Variants in CHRNA5 observed in about 807,000 individuals in gnomAD.
CHRNA5 encodes the protein cholinergic receptor nicotinic alpha 5 subunit.
CHRNA5 carries 28 observed loss-of-function variants against 41.2 expected under a neutral mutation model. The observed-to-expected ratio is 0.68, with a 90% CI of 0.50 to 0.93. The LOEUF (loss-of-function observed/expected upper bound fraction) is 0.93, where lower values mean the gene tolerates loss of function less well. CHRNA5 is among the 40% of genes least tolerant of loss of function. The pLI, the probability that CHRNA5 is intolerant of heterozygous loss-of-function variation, is 0.00. For missense variants in CHRNA5, 481 were observed against 581.9 expected, an observed-to-expected ratio of 0.83 and a Z score of 1.78; for synonymous variants, 188 against 205.8, an observed-to-expected ratio of 0.91 and a Z score of 0.74.
At chr15:78,579,698 A>G (rs979254323) in intron 1 of CHRNA5, among the ~76,000 whole-genome samples, 1 of 152,042 alleles carries the variant, frequency 6.6e-6, no homozygotes, top group African/African-American at 2.4e-5. Context: ...CTTCCCATAG[A>G]TGGCTTTTGT....
chr15:78,580,884 A>G, exon 2 of CHRNA5: 1 of 1,613,578 alleles, frequency 6.2e-7, no homozygotes, highest in Non-Finnish European at 8.5e-7. Context: ...ACTACGAAAG[A>G]TGGGTTCGTC....
At chr15:78,572,505 C>G (rs781001772) in intron 1 of CHRNA5, among the ~76,000 whole-genome samples, 1 of 151,798 alleles carries the variant, frequency 6.6e-6, no homozygotes, top group African/African-American at 2.4e-5. Context: ...TTTTTTGAGA[C>G]GGAGTTTTGC....
chr15:78,581,788 T>A (rs912001983), intron 2 of CHRNA5, among the ~76,000 whole-genome samples: 4 of 152,218 alleles, frequency 2.6e-5, no homozygotes, highest in African/African-American at 4.8e-5. Context: ...TTTGTGTATA[T>A]GTTACAAAAT....
At chr15:78,569,093 A>C (rs1435615925) in intron 1 of CHRNA5, among the ~76,000 whole-genome samples, 1 of 152,210 alleles carries the variant, frequency 6.6e-6, no homozygotes, top group East Asian at 1.9e-4. Context: ...AATTATTTTG[A>C]TTTCCAAGAA....
exon 6 of CHRNA5, chr15:78,593,314 A>G: frequency 6.9e-7 from 1 of 1,440,766 alleles, no homozygotes; most frequent in Non-Finnish European, 9.2e-7. Context: ...TGGCACCTAT[A>G]AAATTATGAA....
At chr15:78,589,782 T>C (rs1194860261) in intron 4 of CHRNA5, 23 bp from the exon 5 acceptor site, 4 of 1,497,050 alleles carry the variant, frequency 2.7e-6, no homozygotes, top group Non-Finnish European at 3.6e-6. Context: ...TCTGCATTGT[T>C]ATTTTATATG....
chr15:78,569,312 A>G (rs1481305490), intron 1 of CHRNA5, among the ~76,000 whole-genome samples: 1 of 152,178 alleles, frequency 6.6e-6, no homozygotes, highest in Non-Finnish European at 1.5e-5. Flanking sequence ...TAATTTCAGT[A>G]CAGAACTTTT....
intron 1 of CHRNA5, among the ~76,000 whole-genome samples, chr15:78,568,565 A>T (rs1050160090): frequency 6.6e-6 from 1 of 152,022 alleles, no homozygotes; most frequent in Non-Finnish European, 1.5e-5. Context: ...TGCTACACCT[A>T]TCAACCTGTC....
intron 5 of CHRNA5, 193 bp downstream of exon 5, chr15:78,590,829 G>C (rs1729901398): frequency 1.8e-6 from 1 of 562,636 alleles, no homozygotes; most frequent in Middle Eastern, 4.7e-4. Context: ...CTGCAAAATG[G>C]GGCATTTACA....
At chr15:78,585,036 C>T (rs2052946206) in intron 2 of CHRNA5, among the ~76,000 whole-genome samples, 1 of 152,170 alleles carries the variant, frequency 6.6e-6, no homozygotes, top group Non-Finnish European at 1.5e-5. Flanking sequence ...TCTCCCACCT[C>T]AGCCTCCTGA....
intron 2 of CHRNA5, among the ~76,000 whole-genome samples, chr15:78,582,127 CTG>C (rs967347091): frequency 6.6e-6 from 1 of 152,022 alleles, no homozygotes; most frequent in African/African-American, 2.4e-5. Flanking sequence ...TATATGTGGA[CTG>C]TGTGTGCTCA....
intron 1 of CHRNA5, among the ~76,000 whole-genome samples, chr15:78,568,413 A>G (rs2052769110): frequency 6.6e-6 from 1 of 152,130 alleles, no homozygotes; most frequent in African/African-American, 2.4e-5. Flanking sequence ...GCTATGTGAC[A>G]TTTTAAAGCC....
intron 1 of CHRNA5, among the ~76,000 whole-genome samples, chr15:78,576,435 C>T (rs979237254): frequency 7.2e-5 from 11 of 152,108 alleles, no homozygotes; most frequent in African/African-American, 1.9e-4. Flanking sequence ...CGTGAGCCAC[C>T]GCGCCTGGCC....
At chr15:78,589,087 T>G (rs556901734) in intron 4 of CHRNA5, 1 of 152,228 alleles carries the variant, frequency 6.6e-6, no homozygotes, top group South Asian at 2.1e-4. Context: ...CCTCCATGCT[T>G]CTTAAGAAGT....
intron 3 of CHRNA5, among the ~76,000 whole-genome samples, chr15:78,587,549 G>A (rs931445433): frequency 6.6e-6 from 1 of 152,118 alleles, no homozygotes; most frequent in Non-Finnish European, 1.5e-5. Flanking sequence ...ATTGGGGAGA[G>A]GGGGTGTAGG....
At chr15:78,571,541 A>G (rs2052804902) in intron 1 of CHRNA5, among the ~76,000 whole-genome samples, 3 of 150,948 alleles carry the variant, frequency 2.0e-5, no homozygotes, top group Admixed American at 1.3e-4. Context: ...AATTAAGATA[A>G]TGAACTCTGC....
At chr15:78,589,535 A>G (rs1007037847) in intron 4 of CHRNA5, 8 of 357,374 alleles carry the variant, frequency 2.2e-5, no homozygotes, top group Non-Finnish European at 3.5e-5. Flanking sequence ...AGGTCTTTTC[A>G]ATCATTAGAA....
intron 1 of CHRNA5, among the ~76,000 whole-genome samples, chr15:78,574,957 A>G (rs1258008430): frequency 6.7e-6 from 1 of 149,610 alleles, no homozygotes; most frequent in Non-Finnish European, 1.5e-5. Context: ...TGGGCGACCA[A>G]GTGAGACCCT....
At chr15:78,591,860 T>G (rs1402343363) in intron 5 of CHRNA5, among the ~76,000 whole-genome samples, 1 of 152,194 alleles carries the variant, frequency 6.6e-6, no homozygotes. Flanking sequence ...ATAATGAAAT[T>G]AGTTTATAAG....
Sources: allele counts gnomAD v4.1 joint callset (sites outside exome capture counted in the v4.1 genomes callset), GRCh38; gene constraint gnomAD v4.1.1; transcripts MANE v1.5; gene names NCBI Gene and HGNC (gene_info 2026-07-23, HGNC 2026-07-21).